KLRG1: variants seen among roughly 807,000 people sequenced by gnomAD.
KLRG1 encodes killer cell lectin-like receptor subfamily G member 1.
A neutral mutation model predicts 21.8 loss-of-function variants in KLRG1; 16 were observed. The observed-to-expected ratio is 0.73, with a 90% CI of 0.50 to 1.11. KLRG1 has a LOEUF of 1.11. Among genes scored for constraint, KLRG1 ranks in the 50% most tolerant of loss-of-function variants. The pLI, the probability that KLRG1 is intolerant of heterozygous loss-of-function variation, is 0.00. For synonymous variants in KLRG1, 69 were observed against 75.9 expected (o/e 0.91, Z 0.47); for missense variants, 173 against 218.3 (o/e 0.79, Z 1.31).
the KLRG1 span, among the ~76,000 whole-genome samples, chr12:9,117,849 A>C: frequency 1.3e-5 from 2 of 152,198 alleles, no homozygotes; most frequent in African/African-American, 4.8e-5. Flanking sequence ...GATCATTTCA[A>C]CATTTAGCCA....
chr12:9,137,227 A>C, the KLRG1 span, among the ~76,000 whole-genome samples: 1 of 152,128 alleles, frequency 6.6e-6, no homozygotes, highest in African/African-American at 2.4e-5. Flanking sequence ...ATAAACATCA[A>C]ATTTTATTGT....
At chr12:9,050,084 A>G in the KLRG1 span, among the ~76,000 whole-genome samples, 1 of 152,234 alleles carries the variant, frequency 6.6e-6, no homozygotes, top group Non-Finnish European at 1.5e-5. Context: ...AGGAAGCTGA[A>G]CCTGAAATCT....
the KLRG1 span, chr12:9,112,047 T>C: frequency 1.3e-5 from 13 of 985,404 alleles, no homozygotes; most frequent in Non-Finnish European, 9.9e-6. Context: ...TGCCAGAAGT[T>C]ACTGTTAATG....
the KLRG1 span, among the ~76,000 whole-genome samples, chr12:9,027,280 T>G: frequency 6.6e-6 from 1 of 151,914 alleles, no homozygotes; most frequent in African/African-American, 2.4e-5. Context: ...AAGTCTACAT[T>G]AAAACCCTTT....
the KLRG1 span, among the ~76,000 whole-genome samples, chr12:9,052,376 T>A: frequency 1.3e-5 from 2 of 152,246 alleles, no homozygotes; most frequent in South Asian, 2.1e-4. Context: ...GAAGGGCAAA[T>A]TCAAATCGTG....
At chr12:9,203,992 T>A in the KLRG1 span, 1 of 1,523,234 alleles carries the variant, frequency 6.6e-7, no homozygotes, top group Admixed American at 1.9e-5. Flanking sequence ...AAACTGATGA[T>A]AGTAAGCGTT....
the KLRG1 span, among the ~76,000 whole-genome samples, chr12:9,211,255 G>T: frequency 6.6e-6 from 1 of 151,948 alleles, no homozygotes. Flanking sequence ...ATGCTTGATG[G>T]TATTCCATAG....
At chr12:9,023,719 C>T in the KLRG1 span, among the ~76,000 whole-genome samples, 1 of 151,754 alleles carries the variant, frequency 6.6e-6, no homozygotes, top group Non-Finnish European at 1.5e-5. Context: ...CCATGCCTGG[C>T]CAATTAAAAA....
At chr12:9,049,078 A>G in the KLRG1 span, among the ~76,000 whole-genome samples, 6 of 152,362 alleles carry the variant, frequency 3.9e-5, no homozygotes, top group Non-Finnish European at 8.8e-5. Context: ...CCAGGCTAAA[A>G]TGATTCTTTT....
chr12:9,062,660 G>A, the KLRG1 span, among the ~76,000 whole-genome samples: 1 of 146,188 alleles, frequency 6.8e-6, no homozygotes, highest in African/African-American at 2.5e-5. Context: ...GTATAATATA[G>A]TTGACATATT....
the KLRG1 span, among the ~76,000 whole-genome samples, chr12:9,120,852 C>CATGTGTGTGTGT: frequency 0.032 from 4,582 of 143,432 alleles, 112 homozygotes; most frequent in Non-Finnish European, 0.036. Flanking sequence ...ATCCCACTAA[C>CATGTGTGTGTGT]GTGTGTGTGT....
At chr12:9,015,931 A>G in the KLRG1 span, among the ~76,000 whole-genome samples, 1 of 152,202 alleles carries the variant, frequency 6.6e-6, no homozygotes, top group Non-Finnish European at 1.5e-5. Flanking sequence ...TGAAGAAATT[A>G]AGAAGGAAGT....
the KLRG1 span, chr12:9,115,977 A>G: frequency 1.3e-6 from 1 of 773,170 alleles, no homozygotes; most frequent in Non-Finnish European, 2.3e-6. Context: ...AGGAAGTTCC[A>G]CCCACACAAG....
At chr12:9,134,571 G>A in the KLRG1 span, among the ~76,000 whole-genome samples, 1 of 151,878 alleles carries the variant, frequency 6.6e-6, no homozygotes, top group Non-Finnish European at 1.5e-5. Flanking sequence ...CAAACTCCCC[G>A]TTCCCTCTTC....
the KLRG1 span, among the ~76,000 whole-genome samples, chr12:9,198,796 T>C: frequency 2.0e-5 from 3 of 152,196 alleles, no homozygotes; most frequent in Admixed American, 2.0e-4. Flanking sequence ...GAAGCCCTTC[T>C]CCAACATATA....
intron 3 of KLRG1, among the ~76,000 whole-genome samples, chr12:8,998,843 T>A (rs1454325543): frequency 2.0e-5 from 3 of 152,104 alleles, no homozygotes; most frequent in African/African-American, 4.8e-5. Context: ...TATTTAAAAA[T>A]TTTTTTGAAT....
chr12:9,072,932 T>C, the KLRG1 span: 1 of 1,416,870 alleles, frequency 7.1e-7, no homozygotes, highest in East Asian at 2.4e-5. Flanking sequence ...AGGGCTGAGA[T>C]ATTTTTCAAA....
chr12:9,169,284 T>C, the KLRG1 span: 1 of 831,606 alleles, frequency 1.2e-6, no homozygotes, highest in Admixed American at 3.3e-5. Context: ...CACAAGAGAC[T>C]TTAACCTTTT....
At chr12:9,149,007 GA>G in the KLRG1 span, 1 of 1,609,892 alleles carries the variant, frequency 6.2e-7, no homozygotes. Context: ...ATGGAGAAAA[GA>G]AAAACGTAAG....
Sources: allele counts gnomAD v4.1 joint callset (sites outside exome capture counted in the v4.1 genomes callset), GRCh38; gene constraint gnomAD v4.1.1; transcripts MANE v1.5; gene names NCBI Gene and HGNC (gene_info 2026-07-23, HGNC 2026-07-21).